PCDHA4: variants seen among roughly 807,000 people sequenced by gnomAD.
PCDHA4 encodes protocadherin alpha-4.
PCDHA4 carries 49 observed loss-of-function variants against 61.4 expected under a neutral mutation model. The ratio of observed to expected loss-of-function variants is 0.80; its 90% confidence interval spans 0.63 to 1.01. The LOEUF is 1.01. Ranked by LOEUF, PCDHA4 falls within the 50% of genes least tolerant of loss-of-function variation. PCDHA4 has a pLI of 0.00. For synonymous variants in PCDHA4, 590 were observed against 550.3 expected, an observed-to-expected ratio of 1.07 and a Z score of -1.01; for missense variants, 1,254 against 1,235.8, an observed-to-expected ratio of 1.01 and a Z score of -0.22.
chr5:140,842,383 C>G lies in PCDHA4; in HGVS notation c.2385+32811C>G, dbSNP rs1554138979. 20 of 1,610,678 alleles carry G rather than the reference C, an allele frequency of 1.2e-5. No individual in the cohort carries two copies. In the South Asian group the frequency reaches 2.2e-4, roughly 18 times the overall value. On this transcript the variant is annotated intron_variant, in intron 1 of 3. Coordinates refer to ENST00000530339, the MANE Select transcript of PCDHA4 (RefSeq NM_018907.4). ...ACGTCCCTGAGATAGCACTGACTTC[C>G]TTATCCTTGCCTGTACGTGAAGACG... is the stretch of plus-strand genomic sequence containing the variant.
intron 1 of PCDHA4, among the ~76,000 whole-genome samples, chr5:140,906,751 G>C (rs782384757): frequency 1.3e-5 from 2 of 152,166 alleles, no homozygotes; most frequent in African/African-American, 2.4e-5. Context: ...CACAGGGCAT[G>C]GTAATACTAA....
chr5:140,877,298 A>C, intron 1 of PCDHA4: 1 of 1,613,870 alleles, frequency 6.2e-7, no homozygotes. Flanking sequence ...TGGCTGTCCT[A>C]CGAGTTGCAA....
At chr5:140,967,820 C>A (rs1162525542) in intron 1 of PCDHA4, 29 of 1,614,052 alleles carry the variant, frequency 1.8e-5, no homozygotes, top group Non-Finnish European at 2.5e-5. Context: ...CTGCAAGGTG[C>A]TGGTGGACAT....
At chr5:140,893,593 T>C (rs1433494751) in intron 1 of PCDHA4, among the ~76,000 whole-genome samples, 5 of 152,244 alleles carry the variant, frequency 3.3e-5, no homozygotes, top group African/African-American at 1.2e-4. Context: ...TGGGAAATAC[T>C]TTATTTCTCC....
intron 1 of PCDHA4, chr5:140,857,521 CTCTCT>C: frequency 6.3e-7 from 1 of 1,598,106 alleles, no homozygotes; most frequent in Non-Finnish European, 8.6e-7. Flanking sequence ...TGGTGTCCTA[CTCTCT>C]GGTGGAGCGG....
At chr5:140,966,697 G>T (rs2096039921) in intron 1 of PCDHA4, 1 of 1,363,184 alleles carries the variant, frequency 7.3e-7, no homozygotes, top group Admixed American at 3.6e-5. Context: ...GCGGGGCCCG[G>T]GCGTGGGGCA....
At chr5:140,984,260 A>G (rs2097093759) in intron 3 of PCDHA4, among the ~76,000 whole-genome samples, 1 of 152,172 alleles carries the variant, frequency 6.6e-6, no homozygotes, top group South Asian at 2.1e-4. Context: ...GTAAGCCACA[A>G]ACTAACTTTG....
At chr5:140,916,929 G>A (rs2077785456) in intron 1 of PCDHA4, among the ~76,000 whole-genome samples, 1 of 152,214 alleles carries the variant, frequency 6.6e-6, no homozygotes, top group African/African-American at 2.4e-5. Context: ...GAGCACTTAA[G>A]CATATAGTGG....
At chr5:140,971,968 A>G (rs1049886222) in intron 1 of PCDHA4, among the ~76,000 whole-genome samples, 3 of 152,124 alleles carry the variant, frequency 2.0e-5, no homozygotes, top group Non-Finnish European at 4.4e-5. Flanking sequence ...CTTTTTTTCA[A>G]TACTATGAGT....
intron 1 of PCDHA4, chr5:140,966,750 C>T: frequency 7.0e-7 from 1 of 1,428,438 alleles, no homozygotes; most frequent in African/African-American, 1.5e-5. Context: ...CGGCTGCCTC[C>T]GCCGCGGCCA....
intron 1 of PCDHA4, among the ~76,000 whole-genome samples, chr5:140,905,476 C>A (rs904790256): frequency 6.6e-6 from 1 of 152,158 alleles, no homozygotes; most frequent in East Asian, 1.9e-4. Flanking sequence ...GTGATGCCTT[C>A]AGATTTCTTC....
At chr5:140,901,553 A>C (rs1387848935) in intron 1 of PCDHA4, among the ~76,000 whole-genome samples, 1 of 152,072 alleles carries the variant, frequency 6.6e-6, no homozygotes, top group African/African-American at 2.4e-5. Flanking sequence ...TGTTCCATTC[A>C]TCTATGTGTC....
chr5:140,955,951 T>C (rs529805581), intron 1 of PCDHA4, among the ~76,000 whole-genome samples: 12 of 152,248 alleles, frequency 7.9e-5, no homozygotes, highest in South Asian at 2.1e-4. Context: ...GTCTACTTGC[T>C]TGTTGTTTGT....
chr5:140,841,293 TA>T (rs1554138064), intron 1 of PCDHA4: 1 of 1,494,496 alleles, frequency 6.7e-7, no homozygotes, highest in African/African-American at 1.4e-5. Flanking sequence ...ATTAAGATAA[TA>T]TTTTCTGATA....
Position 140,807,362 on chromosome 5 carries a change from C to G in PCDHA4, c.175C>G (p.Leu59Val), listed in dbSNP as rs145024223. The change falls in exon 1 of 4, where the codon CTG (leucine) becomes GTG (valine). Residue 59 changes from leucine (L) to valine (V), a missense_variant. Coordinates refer to ENST00000530339, the MANE Select transcript of PCDHA4 (RefSeq NM_018907.4). ...AQDLGLELAE[L>V]VPRLFRVASK... ...GGACCTGGGACTGGAGCTGGCGGAG[C>G]TGGTGCCGCGCCTGTTCCGGGTGGC... 544 of 1,609,962 alleles carry G rather than the reference C, an allele frequency of 3.4e-4. 1 individual carries two copies. Among genetic ancestry groups the G allele is most frequent in the Non-Finnish European group, 3.8e-4 (444 of 1,179,038 alleles).
At chr5:140,932,794 G>A (rs945877357) in intron 1 of PCDHA4, among the ~76,000 whole-genome samples, 46 of 151,806 alleles carry the variant, frequency 3.0e-4, no homozygotes, top group African/African-American at 4.8e-5. Flanking sequence ...TAAGAGAAAA[G>A]CAATACCTTG....
intron 1 of PCDHA4, chr5:140,813,350 AG>A (rs1490272053): frequency 6.6e-6 from 1 of 152,368 alleles, no homozygotes; most frequent in Non-Finnish European, 1.5e-5. Context: ...AAACCTAGAT[AG>A]TATAGCCTAC....
chr5:140,971,210 C>G (rs192930872), intron 1 of PCDHA4, among the ~76,000 whole-genome samples: 383 of 152,274 alleles, frequency 2.5e-3, no homozygotes, highest in Non-Finnish European at 3.7e-3. Context: ...CACTGTTACC[C>G]TCCCTCTCCT....
intron 1 of PCDHA4, chr5:140,851,395 A>G: frequency 1.0e-6 from 1 of 973,138 alleles, no homozygotes; most frequent in Non-Finnish European, 1.2e-6. Context: ...AGTATCTATT[A>G]TTTTAATAAG....
Sources: gnomAD v4.1 joint callset for allele counts (sites outside exome capture counted in the v4.1 genomes callset) on GRCh38, gnomAD v4.1.1 for gene constraint, MANE v1.5 for transcripts, NCBI Gene and HGNC (gene_info 2026-07-23, HGNC 2026-07-21) for gene names.